The following MDFIC variants were observed in gnomAD, a reference collection of about 807,000 sequenced individuals.
The protein encoded by MDFIC is MyoD family inhibitor domain containing, also known as myoD family inhibitor domain-containing protein.
In MDFIC, 17 loss-of-function variants were observed where a neutral mutation model predicts 23.2. The ratio of observed to expected loss-of-function variants is 0.73; its 90% confidence interval spans 0.50 to 1.10. The LOEUF (loss-of-function observed/expected upper bound fraction) is 1.10. Among genes scored for constraint, MDFIC ranks in the 50% least tolerant of loss-of-function variants. The pLI is 0.00. For missense variants in MDFIC, 356 were observed against 316.6 expected, an observed-to-expected ratio of 1.12 and a Z score of -0.95; for synonymous variants, 120 against 115.2, an observed-to-expected ratio of 1.04 and a Z score of -0.27.
intron 4 of MDFIC, among the ~76,000 whole-genome samples, chr7:114,991,266 T>C (rs1439903027): frequency 6.6e-6 from 1 of 152,104 alleles, no homozygotes; most frequent in Non-Finnish European, 1.5e-5. Flanking sequence ...GTCAGATGAG[T>C]AGATTGCAAA....
intron 3 of MDFIC, among the ~76,000 whole-genome samples, chr7:114,974,632 T>G (rs1311663195): frequency 6.6e-6 from 1 of 152,152 alleles, no homozygotes; most frequent in Non-Finnish European, 1.5e-5. Flanking sequence ...TTATACACTA[T>G]AGCAAAATGT....
chr7:115,001,282 T>A (rs939953374), intron 4 of MDFIC, among the ~76,000 whole-genome samples: 1 of 152,200 alleles, frequency 6.6e-6, no homozygotes, highest in Non-Finnish European at 1.5e-5. Context: ...AATGGATTAA[T>A]ATACTAGTTT....
intron 3 of MDFIC, among the ~76,000 whole-genome samples, chr7:114,975,609 A>C (rs1030675707): frequency 1.3e-5 from 2 of 152,012 alleles, no homozygotes; most frequent in African/African-American, 4.8e-5. Context: ...ATAAGGAAGG[A>C]AATCTGTTTA....
chr7:115,014,129 T>C (rs867091532), intron 4 of MDFIC: 3 of 985,284 alleles, frequency 3.0e-6, no homozygotes, highest in Middle Eastern at 5.2e-4. Context: ...GTGGAGTGTA[T>C]GACTTTGTGT....
At chr7:114,922,684 C>A (rs1298496470) in intron 1 of MDFIC, 48 bp downstream of exon 1, 2 of 1,344,982 alleles carry the variant, frequency 1.5e-6, no homozygotes, top group South Asian at 4.0e-5. Flanking sequence ...TGATCCCCAT[C>A]CCCGGGGTTC....
chr7:115,012,936 G>GC (rs972922686), intron 4 of MDFIC, among the ~76,000 whole-genome samples: 1 of 151,976 alleles, frequency 6.6e-6, no homozygotes, highest in Admixed American at 6.6e-5. Flanking sequence ...CCAAGATCGC[G>GC]CCACTGCACT....
intron 2 of MDFIC, among the ~76,000 whole-genome samples, chr7:114,941,961 C>T (rs1474920141): frequency 2.0e-5 from 3 of 152,218 alleles, no homozygotes; most frequent in African/African-American, 7.2e-5. Flanking sequence ...CACTCACTTT[C>T]ATGCTTCCTG....
chr7:114,985,793 C>T (rs759078582), intron 4 of MDFIC, among the ~76,000 whole-genome samples: 9 of 151,736 alleles, frequency 5.9e-5, no homozygotes, highest in Non-Finnish European at 1.2e-4. Flanking sequence ...ATGAACCAGT[C>T]TACGGAGCCT....
intron 4 of MDFIC, among the ~76,000 whole-genome samples, chr7:114,985,986 C>G (rs1793505639): frequency 6.6e-6 from 1 of 150,382 alleles, no homozygotes; most frequent in Non-Finnish European, 1.5e-5. Context: ...GCCAATACTG[C>G]TATGTATTAA....
intron 4 of MDFIC, among the ~76,000 whole-genome samples, chr7:114,994,769 G>T (rs1791285396): frequency 6.6e-6 from 1 of 152,094 alleles, no homozygotes; most frequent in African/African-American, 2.4e-5. Context: ...CTTTCTCTCT[G>T]GCTGCCCTTA....
At position 115,014,525 on chromosome 7, in the gene MDFIC, G is replaced by A. The variant is rs1250917328; in HGVS notation, c.494-1163G>A. The A allele has an allele frequency of 4.7e-6, 6 of 1,288,962 alleles. No homozygotes were observed. The Admixed American group carries it at 6.9e-5, about 15-fold the overall frequency. The allele number at this position is 1,288,962 out of a possible 1,614,324, so 79.8% of individuals were successfully genotyped here. On this transcript the variant is annotated intron_variant, in intron 4 of 4. Coordinates refer to ENST00000393486, the MANE Select transcript of MDFIC (RefSeq NM_001166345.3). Reference sequence around the variant, plus strand: ...CCAAATACAGAAACACAAAGGACATGTGACAATGGTAAGAGGGTGGGGTTG... The same window carrying A: ...CCAAATACAGAAACACAAAGGACATATGACAATGGTAAGAGGGTGGGGTTG...
At chr7:115,004,128 G>T (rs928848641) in intron 4 of MDFIC, among the ~76,000 whole-genome samples, 8 of 152,158 alleles carry the variant, frequency 5.3e-5, no homozygotes, top group African/African-American at 1.9e-4. Flanking sequence ...ATCTAAATTT[G>T]AATCCCAGAC....
At chr7:114,952,961 C>T (rs1189217559) in intron 3 of MDFIC, among the ~76,000 whole-genome samples, 3 of 152,208 alleles carry the variant, frequency 2.0e-5, no homozygotes, top group Admixed American at 6.5e-5. Flanking sequence ...CCACACCCAA[C>T]GAATGGTGTG....
chr7:114,988,212 G>A (rs1793546302), intron 4 of MDFIC, among the ~76,000 whole-genome samples: 2 of 152,144 alleles, frequency 1.3e-5, no homozygotes, highest in South Asian at 2.1e-4. Flanking sequence ...GATGGGTGAG[G>A]AGGAAATAAA....
intron 2 of MDFIC, among the ~76,000 whole-genome samples, chr7:114,929,073 A>G (rs1792254793): frequency 6.9e-6 from 1 of 145,256 alleles, no homozygotes; most frequent in South Asian, 2.4e-4. Context: ...ATAGATCTAT[A>G]GATAAATATA....
chr7:115,001,121 A>G (rs1791458957), intron 4 of MDFIC, among the ~76,000 whole-genome samples: 2 of 152,320 alleles, frequency 1.3e-5, no homozygotes, highest in East Asian at 3.9e-4. Context: ...AAATTGAATA[A>G]TTATTAAGTA....
At chr7:114,926,689 T>A (rs1792197363) in intron 2 of MDFIC, among the ~76,000 whole-genome samples, 1 of 152,190 alleles carries the variant, frequency 6.6e-6, no homozygotes, top group Admixed American at 6.5e-5. Flanking sequence ...TTAAAAATAA[T>A]CTAAAATAGA....
intron 4 of MDFIC, among the ~76,000 whole-genome samples, chr7:115,004,870 T>C (rs964940734): frequency 6.6e-6 from 1 of 152,222 alleles, no homozygotes; most frequent in African/African-American, 2.4e-5. Flanking sequence ...AAGCCTACTT[T>C]CCAGGCCCAC....
intron 2 of MDFIC, among the ~76,000 whole-genome samples, chr7:114,929,624 C>A (rs1478457848): frequency 1.3e-5 from 2 of 152,078 alleles, no homozygotes; most frequent in Non-Finnish European, 2.9e-5. Flanking sequence ...CTAGGAGGAG[C>A]TGTTGAGTCT....
Sources: gnomAD v4.1 joint callset for allele counts (sites outside exome capture counted in the v4.1 genomes callset) on GRCh38, gnomAD v4.1.1 for gene constraint, MANE v1.5 for transcripts, NCBI Gene and HGNC (gene_info 2026-07-23, HGNC 2026-07-21) for gene names.